Variants in SLC45A3 observed in about 807,000 individuals in gnomAD.
SLC45A3 encodes the protein solute carrier family 45 member 3.
In SLC45A3, 17 loss-of-function variants were observed where a neutral mutation model predicts 35.3. The ratio of observed to expected loss-of-function variants is 0.48; its 90% CI spans 0.33 to 0.72. SLC45A3 has a LOEUF of 0.72. Ranked by LOEUF, SLC45A3 falls within the 30% of genes least tolerant of loss-of-function variation. The pLI, the probability that SLC45A3 is intolerant of heterozygous loss-of-function variation, is 0.02. For missense variants in SLC45A3, 597 were observed against 731.7 expected, an observed-to-expected ratio of 0.82 and a Z score of 2.12; for synonymous variants, 288 against 334.3, an observed-to-expected ratio of 0.86 and a Z score of 1.51.
At chr1:205,677,213 C>T (rs1420791501) in intron 1 of SLC45A3, among the ~76,000 whole-genome samples, 2 of 152,190 alleles carry the variant, frequency 1.3e-5, no homozygotes, top group Non-Finnish European at 2.9e-5. Flanking sequence ...AAATAGAAGT[C>T]ACACAGTAGC....
At position 205,659,756 on chromosome 1, in the gene SLC45A3, G is replaced by T; in HGVS notation, c.1225-85C>A. ...ACCCCAGCTGTGAGAACAGACCCTT[G>T]CCTCCATCCCAGGGGCAATGGGACT... On this transcript the variant is annotated intron_variant, in intron 4 of 4. Transcript: ENST00000367145. This position sits in a 1 kb window ranked among gnomAD's most constrained non-coding sequence, Gnocchi z 5.8. 1 of 1,298,704 alleles carries T rather than the reference G, an allele frequency of 7.7e-7. No homozygotes were observed. The allele number at this position is 1,298,704 out of a possible 1,614,324, so 80.4% of individuals were successfully genotyped here. A position where few individuals can be genotyped will look rare whatever the true frequency, so the allele number is the denominator to read the frequency against.
In SLC45A3 at chr1:205,659,281, T is replaced by C; in HGVS notation, c.1615A>G (p.Thr539Ala). The C allele has an allele frequency of 2.5e-6, 4 of 1,614,060 alleles. No homozygotes were observed. The highest frequency in any genetic ancestry group is 3.4e-6 in the Non-Finnish European group (4 of 1,179,984). The stretch of plus-strand genomic sequence containing the variant: ...TCGCTCTTGTCAAATACTACCTGTG[T>C]AGCAAAGTAAATGGCGACCAGACCC... ...GLGLVAIYFA[T>A]QVVFDKSDLA... The change falls in exon 5 of 5, where the codon ACA becomes GCA. Residue 539 changes from threonine (T) to alanine (A), a missense_variant. By Grantham distance (58) the Thr-to-Ala change is moderately conservative. Coordinates refer to ENST00000367145, the MANE Select transcript of SLC45A3 (RefSeq NM_033102.3). The surrounding 1 kb of genome is among the most constrained non-coding windows in gnomAD (Gnocchi z 5.8).
intron 4 of SLC45A3, among the ~76,000 whole-genome samples, chr1:205,660,747 G>A (rs909975140): frequency 1.3e-5 from 2 of 152,106 alleles, no homozygotes; most frequent in African/African-American, 2.4e-5. Context: ...TCCCTGGCAC[G>A]ACAGCACATA....
intron 1 of SLC45A3, among the ~76,000 whole-genome samples, chr1:205,678,961 T>C (rs1671355705): frequency 6.6e-6 from 1 of 152,056 alleles, no homozygotes; most frequent in Non-Finnish European, 1.5e-5. Context: ...CCCACCCCAA[T>C]AGGCCAGCCT....
chr1:205,676,812 A>G (rs1671321235), intron 1 of SLC45A3, among the ~76,000 whole-genome samples: 1 of 152,162 alleles, frequency 6.6e-6, no homozygotes, highest in Non-Finnish European at 1.5e-5. Flanking sequence ...GACACTTAAT[A>G]CACTGGACAA....
rs2102403492 is a variant in SLC45A3 at position 205,662,938 on chromosome 1, G to A, written c.853C>T (p.Leu285Phe). ...FVAELCSWMA[L>F]MTFTLFYTDF... ...GTGTAAAACAGCGTGAAGGTCATGA[G>A]TGCCATCCAGCTGCACAGCTCAGCC... is the stretch of plus-strand genomic sequence containing the variant. The change falls in exon 3 of 5, where the codon CTC (leucine) becomes TTC (phenylalanine). Residue 285 changes from leucine (L) to phenylalanine (F), a missense_variant. Leu to Phe is a conservative substitution (Grantham distance 22). Coordinates refer to ENST00000367145, the MANE Select transcript of SLC45A3 (RefSeq NM_033102.3). This position sits in a 1 kb window ranked among gnomAD's most constrained non-coding sequence, Gnocchi z 6.2. 6.2e-7 allele frequency: 1 copy of A among 1,613,678 alleles called. No individual in the cohort carries two copies. The highest frequency in any genetic ancestry group is 8.5e-7 in the Non-Finnish European group (1 of 1,180,004).
intron 1 of SLC45A3, among the ~76,000 whole-genome samples, chr1:205,668,274 C>A (rs1671150978): frequency 6.6e-6 from 1 of 152,064 alleles, no homozygotes; most frequent in Non-Finnish European, 1.5e-5. Flanking sequence ...CTAAGGAGAC[C>A]ACAGAGGACT....
chr1:205,672,515 T>G (rs1294946035), intron 1 of SLC45A3, among the ~76,000 whole-genome samples: 1 of 152,232 alleles, frequency 6.6e-6, no homozygotes, highest in African/African-American at 2.4e-5. Context: ...GTACCTTCTC[T>G]CTAATAACTC....
intron 1 of SLC45A3, among the ~76,000 whole-genome samples, chr1:205,670,521 G>A (rs940238795): frequency 3.9e-5 from 6 of 152,130 alleles, no homozygotes; most frequent in African/African-American, 1.4e-4. Context: ...AATAAGGGCC[G>A]GCAGTGGGAC....
At chr1:205,680,032 C>CGGCCT (rs34920018) in intron 1 of SLC45A3, among the ~76,000 whole-genome samples, 5 of 30,966 alleles carry the variant, frequency 1.6e-4, no homozygotes, top group African/African-American at 2.4e-4. Context: ...CGCCAGCCGT[C>CGGCCT]GGCCCGGCCC....
chr1:205,672,356 G>A (rs1373430306), intron 1 of SLC45A3, among the ~76,000 whole-genome samples: 3 of 152,204 alleles, frequency 2.0e-5, no homozygotes, highest in Non-Finnish European at 4.4e-5. Flanking sequence ...GCCTGCTGGA[G>A]GAAGGCTGAG....
chr1:205,663,075 G>C lies in SLC45A3; in HGVS notation c.716C>G (p.Pro239Arg). 2 of 1,605,282 alleles carry C rather than the reference G, an allele frequency of 1.2e-6. No homozygotes were observed. Among genetic ancestry groups the C allele is most frequent in the Non-Finnish European group, 8.5e-7 (1 of 1,174,680 alleles). ...GCGGGCCCGGCATGGACAGCAGTGG[G>C]GCGACAAGGAGGGGGCCGACAGCCC... ...AEGLSAPSLS[P>R]HCCPCRARLA... is the part of the protein sequence containing the mutation. Residue 239 changes from proline to arginine, a missense_variant, in exon 3 of 5, where the codon CCC becomes CGC. Coordinates refer to ENST00000367145, the MANE Select transcript of SLC45A3 (RefSeq NM_033102.3).
At chr1:205,673,947 G>A (rs1671256682) in intron 1 of SLC45A3, among the ~76,000 whole-genome samples, 1 of 152,226 alleles carries the variant, frequency 6.6e-6, no homozygotes, top group Non-Finnish European at 1.5e-5. Context: ...CAACACCACA[G>A]AGCCTCAATT....
chr1:205,674,069 C>T (rs1276243278), intron 1 of SLC45A3, among the ~76,000 whole-genome samples: 1 of 152,156 alleles, frequency 6.6e-6, no homozygotes, highest in African/African-American at 2.4e-5. Context: ...CACAGTGGCA[C>T]AAGTGTGAAG....
At chr1:205,674,602 CAAAAAAAAAAAAAAAAA>C (rs57508315) in intron 1 of SLC45A3, among the ~76,000 whole-genome samples, 20 of 95,458 alleles carry the variant, frequency 2.1e-4, no homozygotes, top group African/African-American at 9.5e-4. Context: ...GATGCTGTTT[CAAAAAAAAAAAAAAAAA>C]AAAAAAAAAG....
At position 205,669,493 on chromosome 1, in the gene SLC45A3, G is replaced by T. The variant is rs1419657676; in HGVS notation, c.-230-4607C>A. 6.6e-6 allele frequency among the ~76,000 whole-genome samples: 1 copy of T among 152,226 alleles called. No individual in the cohort carries two copies. Among genetic ancestry groups the T allele is most frequent in the East Asian group, 1.9e-4 (1 of 5,160 alleles). ...CCGCATGGCTGAGGTGGAGCTGGGG[G>T]AGCAGATTCCCTCTACTGACAGACA... is the stretch of plus-strand genomic sequence containing the variant. On this transcript the variant is annotated intron_variant, in intron 1 of 4. Coordinates refer to ENST00000367145, the MANE Select transcript of SLC45A3 (RefSeq NM_033102.3). The surrounding 1 kb of genome is among the most constrained non-coding windows in gnomAD (Gnocchi z 4.1).
chr1:205,672,166 G>A (rs960668493), intron 1 of SLC45A3, among the ~76,000 whole-genome samples: 5 of 152,084 alleles, frequency 3.3e-5, no homozygotes, highest in Non-Finnish European at 7.4e-5. Flanking sequence ...AGGAGCGGCT[G>A]TGGTTAGGGG....
At chr1:205,663,749 G>A in intron 2 of SLC45A3, 131 bp from the exon 3 acceptor site, 11 of 955,754 alleles carry the variant, frequency 1.2e-5, no homozygotes, top group Non-Finnish European at 1.7e-5. Flanking sequence ...TCACAGGGAT[G>A]CTGTAATTTA....
rs548278197 is a variant in SLC45A3, at chr1:205,666,745, T to C, written c.-230-1859A>G. On this transcript the variant is annotated intron_variant, in intron 1 of 4. Coordinates refer to ENST00000367145, the MANE Select transcript of SLC45A3 (RefSeq NM_033102.3). This position sits in a 1 kb window ranked among gnomAD's most constrained non-coding sequence, Gnocchi z 4.1. ...ACCCATACTGTCTCCAAAAGGAAGG[T>C]GGAAGGCCAGACCTCAGTCTTAGCT... Among the ~76,000 whole-genome samples, 4 of 152,212 alleles carry C rather than the reference T, an allele frequency of 2.6e-5. No individual in the cohort carries two copies. Among genetic ancestry groups the C allele is most frequent in the South Asian group, 2.1e-4 (1 of 4,810 alleles).
Sources: allele counts gnomAD v4.1 joint callset (sites outside exome capture counted in the v4.1 genomes callset), GRCh38; gene constraint gnomAD v4.1.1; non-coding constraint Gnocchi (gnomAD v3.1); transcripts MANE v1.5; gene names NCBI Gene and HGNC (gene_info 2026-07-23, HGNC 2026-07-21).